CORO7: variants seen among roughly 807,000 people sequenced by gnomAD.
The protein encoded by CORO7 is coronin 7.
In CORO7, 107 loss-of-function variants were observed where a neutral mutation model predicts 126.6. That is an observed-to-expected ratio of 0.85 (90% CI 0.72 to 0.99). CORO7 has a LOEUF of 0.99. Among genes scored for constraint, CORO7 ranks in the 50% least tolerant of loss-of-function variants. CORO7 has a pLI of 0.00. For synonymous variants in CORO7, 603 were observed against 536.8 expected (o/e 1.12, Z -1.70); for missense variants, 1,314 against 1,255.8 (o/e 1.05, Z -0.70).
intron 9 of CORO7, among the ~76,000 whole-genome samples, chr16:4,378,030 C>T (rs1369549832): frequency 6.6e-6 from 1 of 152,156 alleles, no homozygotes; most frequent in African/African-American, 2.4e-5. Flanking sequence ...ATTAAAGACC[C>T]AACAGATTAC....
At chr16:4,382,774 C>G in intron 9 of CORO7, 1 of 1,571,530 alleles carries the variant, frequency 6.4e-7, no homozygotes, top group Non-Finnish European at 8.6e-7. Context: ...CCCCTTGGAG[C>G]CAGGCCCGAA....
rs533805681 is a variant in CORO7 at position 4,362,609 on chromosome 16, T to C, written c.1402+3A>G. ...GGGTGAGCTCCCCGTCCTGCCTCCT[T>C]ACCCAGCAGGCTCTGCAGCGACCTC... On this transcript the variant is annotated splice_donor_region_variant and intron_variant, in intron 15 of 27. Coordinates refer to ENST00000251166, the MANE Select transcript of CORO7 (RefSeq NM_024535.5). This position sits in a 1 kb window ranked among gnomAD's most constrained non-coding sequence, Gnocchi z 5.3. 2.5e-5 allele frequency: 39 copies of C among 1,553,036 alleles called. No homozygotes were observed. In the South Asian group the frequency reaches 4.3e-4, roughly 17 times the overall value.
intron 2 of CORO7, chr16:4,412,742 C>T (rs2056261226): frequency 2.6e-6 from 1 of 388,026 alleles, no homozygotes. Context: ...ACTTTTCGCA[C>T]TTTTACTTGA....
rs752837936 is a variant in CORO7, at chr16:4,360,436, G to T, written c.2022+8C>A. Reference sequence around the variant, plus strand: ...TCTGAGGCCACTCCCCAGCCCCTGTGTGCTCACCTGCAGGGGCTCAGGGCC... The same window carrying T: ...TCTGAGGCCACTCCCCAGCCCCTGTTTGCTCACCTGCAGGGGCTCAGGGCC... On this transcript the variant is annotated splice_region_variant and intron_variant, in intron 20 of 27. Transcript: ENST00000251166. The T allele has an allele frequency of 6.2e-7, 1 of 1,612,770 alleles. No homozygotes were observed. The highest frequency in any genetic ancestry group is 2.2e-5 in the East Asian group (1 of 44,858).
At chr16:4,390,576 G>A (rs969949836) in intron 7 of CORO7, among the ~76,000 whole-genome samples, 1 of 152,236 alleles carries the variant, frequency 6.6e-6, no homozygotes, top group Non-Finnish European at 1.5e-5. Flanking sequence ...CAGCCAGCAG[G>A]TGGGGACGAG....
chr16:4,398,982 A>C (rs1254164406), intron 6 of CORO7, among the ~76,000 whole-genome samples: 4 of 152,136 alleles, frequency 2.6e-5, no homozygotes, highest in East Asian at 1.9e-4. Flanking sequence ...AAAAAAAAAA[A>C]ACAAAACCAA....
At chr16:4,411,693 G>A (rs978777092) in intron 3 of CORO7, among the ~76,000 whole-genome samples, 3 of 151,932 alleles carry the variant, frequency 2.0e-5, no homozygotes, top group Non-Finnish European at 4.4e-5. Flanking sequence ...CCAGCCTGAG[G>A]ACCAGGCATC....
intron 4 of CORO7, 31 bp downstream of exon 4, chr16:4,408,150 T>C (rs1438345955): frequency 6.2e-7 from 1 of 1,613,890 alleles, no homozygotes; most frequent in South Asian, 1.1e-5. Context: ...GGCTGGGACA[T>C]AGAGCAGCTC....
chr16:4,365,666 T>C, intron 9 of CORO7, 121 bp from the exon 10 acceptor site: 2 of 1,336,304 alleles, frequency 1.5e-6, no homozygotes, highest in South Asian at 1.4e-5. Context: ...CATCCAGCCA[T>C]GTTCAGCCTG....
At chr16:4,387,178 C>T (rs886303940) in intron 9 of CORO7, among the ~76,000 whole-genome samples, 4 of 150,264 alleles carry the variant, frequency 2.7e-5, no homozygotes. Flanking sequence ...TCTCTGAACA[C>T]CCCCCCCAGC....
intron 9 of CORO7, chr16:4,383,082 G>T: frequency 1.5e-6 from 1 of 673,426 alleles, no homozygotes; most frequent in Non-Finnish European, 2.4e-6. Context: ...GAGATGCTGT[G>T]GCCCAGCTGA....
In CORO7 at chr16:4,407,523, T is replaced by C. The variant is rs1272557746; in HGVS notation, c.465A>G (p.Ala155=). 1.9e-6 allele frequency: 3 copies of C among 1,572,270 alleles called. No individual in the cohort carries two copies. The South Asian group carries it at 3.5e-5, about 18-fold the overall frequency. The stretch of plus-strand genomic sequence containing the variant: ...TACCTGTCAGGGGCTGCTGCTTGGC[T>C]GCGTCCCAGACCTTCACAGTGGTGC... ...AAGTTVKVWD[A]AKQQPLTELA... is the part of the protein sequence containing the mutation. Residue 155 remains alanine, a synonymous_variant, in exon 5 of 28, where the codon GCA becomes GCG. Transcript: ENST00000251166.
chr16:4,366,116 G>A (rs1170924113), intron 9 of CORO7, among the ~76,000 whole-genome samples: 2 of 152,172 alleles, frequency 1.3e-5, no homozygotes, highest in Admixed American at 6.5e-5. Flanking sequence ...CTGAGTTAAA[G>A]TTCCTGTGTC....
chr16:4,377,818 C>A (rs1203700744), intron 9 of CORO7, among the ~76,000 whole-genome samples: 2 of 152,208 alleles, frequency 1.3e-5, no homozygotes, highest in Non-Finnish European at 2.9e-5. Context: ...CAAAAGAGCT[C>A]ACCGCACATT....
chr16:4,395,929 G>A (rs2055568426), intron 6 of CORO7, among the ~76,000 whole-genome samples: 1 of 151,984 alleles, frequency 6.6e-6, no homozygotes, highest in Non-Finnish European at 1.5e-5. Context: ...AAAATGTACT[G>A]AAATAAAGCA....
chr16:4,395,272 T>G lies in CORO7; in HGVS notation c.615+17A>C. The G allele has an allele frequency of 1.2e-6, 2 of 1,613,934 alleles. No homozygotes were observed. The highest frequency in any genetic ancestry group is 1.1e-5 in the South Asian group (1 of 91,066). ...AGTGGAGGCTTCAACCCACCCCAGC[T>G]TGCCCACACAACTCACCTGAGAGGC... On this transcript the variant is annotated intron_variant, in intron 7 of 27. Coordinates refer to ENST00000251166, the MANE Select transcript of CORO7 (RefSeq NM_024535.5).
intron 6 of CORO7, among the ~76,000 whole-genome samples, chr16:4,396,854 G>T (rs2055610280): frequency 6.6e-6 from 1 of 151,210 alleles, no homozygotes; most frequent in Non-Finnish European, 1.5e-5. Context: ...CGTTTCTACT[G>T]AAAATAAAAA....
At chr16:4,365,144 C>T in intron 10 of CORO7, 84 bp from the exon 11 acceptor site, 1 of 1,536,800 alleles carries the variant, frequency 6.5e-7, no homozygotes. Flanking sequence ...CCCACAGGTC[C>T]CCAAGGACCT....
rs369837330 is a variant in CORO7, at chr16:4,369,607, G to A, written c.786-4062C>T. ...CAGTTTCAGCCTCCGGATAAGCCCC[G>A]CCAGCTCTCCCAGGACTCCTGTGAT... On this transcript the variant is annotated intron_variant, in intron 9 of 27. Coordinates refer to ENST00000251166, the MANE Select transcript of CORO7 (RefSeq NM_024535.5). Among the ~76,000 whole-genome samples, 4 of 152,112 alleles carry A rather than the reference G, an allele frequency of 2.6e-5. No individual in the cohort carries two copies. In the East Asian group the frequency reaches 5.8e-4, roughly 22 times the overall value.
Sources: gnomAD v4.1 joint callset for allele counts (sites outside exome capture counted in the v4.1 genomes callset) on GRCh38, gnomAD v4.1.1 for gene constraint, Gnocchi (gnomAD v3.1) non-coding constraint, MANE v1.5 for transcripts, NCBI Gene and HGNC (gene_info 2026-07-23, HGNC 2026-07-21) for gene names.